Variants in KLF12 observed in about 807,000 individuals in gnomAD.
The protein encoded by KLF12 is KLF transcription factor 12, also known as Krueppel-like factor 12.
Under a neutral mutation model 37.8 loss-of-function variants are expected in KLF12, and 9 were observed. The ratio of observed to expected loss-of-function variants is 0.24; its 90% CI spans 0.14 to 0.42. KLF12 has a LOEUF of 0.42. KLF12 is among the 10% of genes least tolerant of loss of function. The pLI is 1.00. For missense variants in KLF12, 411 were observed against 516.0 expected, an observed-to-expected ratio of 0.80 and a Z score of 1.97; for synonymous variants, 208 against 202.1, an observed-to-expected ratio of 1.03 and a Z score of -0.25.
chr13:73,896,995 C>T (rs956704543), intron 3 of KLF12, among the ~76,000 whole-genome samples: 1 of 152,116 alleles, frequency 6.6e-6, no homozygotes, highest in South Asian at 2.1e-4. Flanking sequence ...CAAGAGGCAA[C>T]AGGCCGGCAA....
the KLF12 span, among the ~76,000 whole-genome samples, chr13:74,280,587 G>A: frequency 6.6e-6 from 1 of 152,122 alleles, no homozygotes; most frequent in Non-Finnish European, 1.5e-5. Flanking sequence ...ACCCATCTTG[G>A]GATCAAAACA....
rs531213064 is a variant in KLF12 at position 74,007,862 on chromosome 13, T to C, written c.-31-12809A>G. On this transcript the variant is annotated intron_variant, in intron 1 of 7. Transcript: ENST00000377669. ...AAAACAATGAAATGCTATAAAACAA[T>C]GAGAACAAACAACTGGTACATGGAA... 1.2e-4 allele frequency among the ~76,000 whole-genome samples: 18 copies of C among 148,546 alleles called. No individual in the cohort carries two copies. In the South Asian group the frequency reaches 3.6e-3, roughly 30 times the overall value.
chr13:74,196,720 AC>A, the KLF12 span, among the ~76,000 whole-genome samples: 2 of 152,030 alleles, frequency 1.3e-5, no homozygotes, highest in African/African-American at 4.8e-5. Flanking sequence ...TTCTGTTGAC[AC>A]CCTCAGAAGT....
chr13:74,239,722 T>C, the KLF12 span, among the ~76,000 whole-genome samples: 1 of 150,506 alleles, frequency 6.6e-6, no homozygotes, highest in African/African-American at 2.5e-5. Flanking sequence ...TTTTGATCTT[T>C]GTTGGTTTAA....
In KLF12 at chr13:73,958,136, T is replaced by G. The variant is rs563138562; in HGVS notation, c.34-14066A>C. Among the ~76,000 whole-genome samples, 3 of 152,316 alleles carry G rather than the reference T, an allele frequency of 2.0e-5. No homozygotes were observed. The East Asian group carries it at 5.8e-4, about 29-fold the overall frequency. On this transcript the variant is annotated intron_variant, in intron 2 of 7. Coordinates refer to ENST00000377669, the MANE Select transcript of KLF12 (RefSeq NM_007249.5). ...AATTTAGATGTATGCAAAAAGCATA[T>G]TGGATTTTGAAGACTTAGTATAAAA... is the stretch of plus-strand genomic sequence containing the variant.
rs373341263 is a variant in KLF12, at chr13:73,813,233, T to A, written c.725A>T (p.Asp242Val). 1 of 1,613,958 alleles carries A rather than the reference T, an allele frequency of 6.2e-7. No individual in the cohort carries two copies. Among genetic ancestry groups the A allele is most frequent in the Non-Finnish European group, 8.5e-7 (1 of 1,179,964 alleles). Residue 242 changes from aspartate (D) to valine (V), a missense_variant, in exon 5 of 8, where the codon GAT (aspartate) becomes GTT (valine). By Grantham distance (152) the Asp-to-Val change is radical. Coordinates refer to ENST00000377669, the MANE Select transcript of KLF12 (RefSeq NM_007249.5). The stretch of plus-strand genomic sequence containing the variant: ...TAAGGTCACATTTGGCAGGTCATCA[T>A]CATCACTGTCACTTTTACTTTGTCT...
the KLF12 span, among the ~76,000 whole-genome samples, chr13:74,191,681 A>G: frequency 6.6e-6 from 1 of 152,228 alleles, no homozygotes; most frequent in African/African-American, 2.4e-5. Flanking sequence ...AAGACAAGTT[A>G]GAAAGTACAG....
intron 3 of KLF12, among the ~76,000 whole-genome samples, chr13:73,894,660 A>G (rs1887674309): frequency 6.6e-6 from 1 of 152,200 alleles, no homozygotes; most frequent in South Asian, 2.1e-4. Context: ...TTTATTTAGT[A>G]CTTTTTGTAT....
intron 5 of KLF12, chr13:73,800,361 C>A (rs534351167): frequency 6.6e-6 from 1 of 151,884 alleles, no homozygotes; most frequent in Non-Finnish European, 1.5e-5. Context: ...ATGAGAACCA[C>A]CAGAATCATC....
intron 1 of KLF12, among the ~76,000 whole-genome samples, chr13:74,046,815 A>G (rs1176355222): frequency 6.6e-6 from 1 of 152,180 alleles, no homozygotes; most frequent in Admixed American, 6.5e-5. Context: ...TGATATTACT[A>G]CTGTGTCCTA....
At chr13:74,000,897 C>G (rs150877502) in intron 1 of KLF12, among the ~76,000 whole-genome samples, 2 of 152,304 alleles carry the variant, frequency 1.3e-5, no homozygotes, top group East Asian at 3.9e-4. Context: ...GTAATTTATG[C>G]TATGCTCAGA....
At chr13:73,933,677 T>C (rs1409116812) in intron 3 of KLF12, among the ~76,000 whole-genome samples, 2 of 152,204 alleles carry the variant, frequency 1.3e-5, no homozygotes, top group Non-Finnish European at 1.5e-5. Context: ...ACATGGTTGC[T>C]GCTATAACAA....
chr13:73,918,841 C>T (rs1888976869), intron 3 of KLF12, among the ~76,000 whole-genome samples: 2 of 152,160 alleles, frequency 1.3e-5, no homozygotes, highest in Admixed American at 1.3e-4. Flanking sequence ...AACCGTGCTG[C>T]TATTAGACTC....
intron 5 of KLF12, among the ~76,000 whole-genome samples, chr13:73,784,813 T>C (rs986167509): frequency 1.3e-5 from 2 of 151,912 alleles, no homozygotes; most frequent in South Asian, 4.2e-4. Flanking sequence ...TGTTTTTGCA[T>C]TTTTTGTAGA....
chr13:73,727,554 T>G (rs1168444143), intron 6 of KLF12, among the ~76,000 whole-genome samples: 1 of 152,176 alleles, frequency 6.6e-6, no homozygotes, highest in Non-Finnish European at 1.5e-5. Flanking sequence ...CATGGATTTG[T>G]CTATGTATAA....
the KLF12 span, among the ~76,000 whole-genome samples, chr13:74,229,265 A>G: frequency 6.6e-6 from 1 of 152,212 alleles, no homozygotes; most frequent in East Asian, 1.9e-4. Flanking sequence ...GAAAGCTTTG[A>G]ACCAAGATAA....
At chr13:73,902,604 T>C (rs1202955215) in intron 3 of KLF12, among the ~76,000 whole-genome samples, 1 of 152,242 alleles carries the variant, frequency 6.6e-6, no homozygotes. Flanking sequence ...TTTAGGAGAA[T>C]GGTCGCACTT....
intron 1 of KLF12, among the ~76,000 whole-genome samples, chr13:74,071,800 C>T (rs1487347019): frequency 2.6e-5 from 4 of 152,134 alleles, no homozygotes; most frequent in Admixed American, 2.6e-4. Flanking sequence ...AAAGAGGCAA[C>T]CCCATCATGA....
chr13:74,258,066 G>T, the KLF12 span: 1 of 151,728 alleles, frequency 6.6e-6, no homozygotes, highest in African/African-American at 2.4e-5. Flanking sequence ...GTTTTTGAAT[G>T]TTATGAATCG....
Sources: gnomAD v4.1 joint callset for allele counts (sites outside exome capture counted in the v4.1 genomes callset) on GRCh38, gnomAD v4.1.1 for gene constraint, MANE v1.5 for transcripts, NCBI Gene and HGNC (gene_info 2026-07-23, HGNC 2026-07-21) for gene names.